Variants in PAOX observed in about 807,000 individuals in gnomAD.
PAOX encodes polyamine oxidase.
A neutral mutation model predicts 39.0 loss-of-function variants in PAOX; 38 were observed. The observed-to-expected ratio is 0.97, with a 90% CI of 0.75 to 1.28. PAOX has a LOEUF of 1.28. PAOX is among the 50% of genes most tolerant of loss of function. PAOX has a pLI of 0.00. For missense variants in PAOX, 667 were observed against 685.7 expected, an observed-to-expected ratio of 0.97 and a Z score of 0.30; for synonymous variants, 311 against 314.4, an observed-to-expected ratio of 0.99 and a Z score of 0.11.
At chr10:133,389,801 C>T (rs972501352) in intron 6 of PAOX, 54 bp downstream of exon 6, 27 of 1,398,802 alleles carry the variant, frequency 1.9e-5, no homozygotes, top group Middle Eastern at 2.6e-4. Context: ...AGGCCCCCGC[C>T]GAGTCTGGGC....
In PAOX at chr10:133,380,096, G is replaced by A. The variant is rs1248862246; in HGVS notation, c.279G>A (p.Lys93=). 1 of 1,554,268 alleles carries A rather than the reference G, an allele frequency of 6.4e-7. No homozygotes were observed. ...LAAEYGLLGE[K]ELSQENQLVE... is the part of the protein sequence containing the mutation. Reference sequence around the variant, plus strand: ...CTGAGTACGGGCTGCTGGGGGAGAAGGAGCTGTCCCAGGAGAACCAGCTGG... The same window carrying A: ...CTGAGTACGGGCTGCTGGGGGAGAAAGAGCTGTCCCAGGAGAACCAGCTGG... Residue 93 remains lysine (K), a synonymous_variant, in exon 2 of 7, where the codon AAG becomes AAA. Coordinates refer to ENST00000278060, the MANE Select transcript of PAOX (RefSeq NM_152911.4).
intron 5 of PAOX, 44 bp downstream of exon 5, chr10:133,389,112 C>A: frequency 1.4e-6 from 2 of 1,438,552 alleles, no homozygotes; most frequent in Non-Finnish European, 2.0e-6. Context: ...CTGCTCGTTA[C>A]TGGTTGATCT....
chr10:133,387,759 C>T (rs907766568), intron 4 of PAOX, among the ~76,000 whole-genome samples: 4 of 152,172 alleles, frequency 2.6e-5, no homozygotes, highest in East Asian at 1.9e-4. Context: ...CTTACTCTGT[C>T]GCCCAGGCTG....
rs1277631418 is a variant in PAOX, at chr10:133,384,751, A to C, written c.1121+539A>C. Among the ~76,000 whole-genome samples, 1 of 152,218 alleles carries C rather than the reference A, an allele frequency of 6.6e-6. No individual in the cohort carries two copies. Among genetic ancestry groups the C allele is most frequent in the Non-Finnish European group, 1.5e-5 (1 of 68,036 alleles). On this transcript the variant is annotated intron_variant, in intron 4 of 6. Coordinates refer to ENST00000278060, the MANE Select transcript of PAOX (RefSeq NM_152911.4). This position sits in a 1 kb window ranked among gnomAD's most constrained non-coding sequence, Gnocchi z 4.3. Reference sequence around the variant, plus strand: ...TGGGGATGGAGGGACTGACTTTTCCAGCAAGATTAAAACACAAAGACAGCC... The same window carrying C: ...TGGGGATGGAGGGACTGACTTTTCCCGCAAGATTAAAACACAAAGACAGCC...
Position 133,380,226 on chromosome 10 carries a change from C to T in PAOX, c.409C>T (p.Leu137=). 6.2e-7 allele frequency: 1 copy of T among 1,612,908 alleles called. No homozygotes were observed. The highest frequency in any genetic ancestry group is 2.2e-5 in the East Asian group (1 of 44,866). The change falls in exon 2 of 7, where the codon CTG becomes TTG. Residue 137 remains leucine, a synonymous_variant. Coordinates refer to ENST00000278060, the MANE Select transcript of PAOX (RefSeq NM_152911.4). ...GGAGATGGCGACTCTGTTCTACGGCCTGATAGACCAGACCCGGGAGTTCCT... is the reference window on the plus strand; with the variant it reads ...GGAGATGGCGACTCTGTTCTACGGCTTGATAGACCAGACCCGGGAGTTCCT... ...VAEMATLFYG[L]IDQTREFLHA...
In PAOX at chr10:133,379,274, C is replaced by T. The variant is rs1348292897; in HGVS notation, c.-43C>T. 2 of 1,204,454 alleles carry T rather than the reference C, an allele frequency of 1.7e-6. No individual in the cohort carries two copies. The highest frequency in any genetic ancestry group is 2.1e-6 in the Non-Finnish European group (2 of 970,674). The allele number at this position is 1,204,454 out of a possible 1,614,324, so 74.6% of individuals were successfully genotyped here. A position where few individuals can be genotyped will look rare whatever the true frequency, so the allele number is the denominator to read the frequency against. ...TCCGGCCTCCTCCGAGAGCTCCAGA[C>T]CTCCCGGCTACTCAGAAGCCCTCGG... On this transcript the variant is annotated 5_prime_UTR_variant, in exon 1 of 7. Coordinates refer to ENST00000278060, the MANE Select transcript of PAOX (RefSeq NM_152911.4).
chr10:133,380,306 T>C lies in PAOX; in HGVS notation c.489T>C (p.Ile163=). The part of the protein sequence containing the change: ...PSVGEYLKKE[I]GQHVAGWTED... ...TCGGGGAGTACCTCAAGAAGGAGAT[T>C]GGCCAGCACGTGGCCGGCTGGACAG... Residue 163 remains isoleucine, a synonymous_variant, in exon 2 of 7, where the codon ATT becomes ATC. Transcript: ENST00000278060. 1 of 1,612,884 alleles carries C rather than the reference T, an allele frequency of 6.2e-7. No individual in the cohort carries two copies. Among genetic ancestry groups the C allele is most frequent in the Admixed American group, 1.7e-5 (1 of 60,020 alleles).
chr10:133,383,080 G>A (rs1210055727), intron 3 of PAOX: 2 of 152,162 alleles, frequency 1.3e-5, no homozygotes, highest in East Asian at 3.9e-4. Context: ...AGCTACTCAG[G>A]AGGCTGAGGC....
chr10:133,389,415 A>C (rs1465222859), intron 5 of PAOX, among the ~76,000 whole-genome samples, 175 bp from the exon 6 acceptor site: 2 of 152,008 alleles, frequency 1.3e-5, no homozygotes, highest in African/African-American at 4.8e-5. Context: ...GTCCCAGCCC[A>C]CTGCTCTCGG....
Position 133,381,645 on chromosome 10 carries a change from T to C in PAOX, c.854T>C (p.Val285Ala). ...GDRFPAHHVI[V>A]TVPLGFLREH... ...CGGTTCCCGGCGCACCATGTCATCG[T>C]CACCGTGCCCTTAGGTAGGTCAGGT... The change falls in exon 3 of 7, where the codon GTC becomes GCC. Residue 285 changes from valine (V) to alanine (A), a missense_variant. Coordinates refer to ENST00000278060, the MANE Select transcript of PAOX (RefSeq NM_152911.4). 1 of 1,613,130 alleles carries C rather than the reference T, an allele frequency of 6.2e-7. No homozygotes were observed. The highest frequency in any genetic ancestry group is 8.5e-7 in the Non-Finnish European group (1 of 1,179,988).
chr10:133,383,826 A>G (rs1849461449), intron 3 of PAOX, 134 bp from the exon 4 acceptor site: 16 of 1,229,778 alleles, frequency 1.3e-5, no homozygotes, highest in East Asian at 2.3e-5. Context: ...AGGACAAAAA[A>G]GTAAAACTGC....
rs765198384 is a variant in PAOX, at chr10:133,389,761, C to G, written c.1392+14C>G. 1.4e-6 allele frequency: 2 copies of G among 1,476,690 alleles called. No homozygotes were observed. The highest frequency in any genetic ancestry group is 2.3e-5 in the Admixed American group (1 of 42,576). The allele number at this position is 1,476,690 out of a possible 1,614,324, so 91.5% of individuals were successfully genotyped here. A position where few individuals can be genotyped will look rare whatever the true frequency, so the allele number is the denominator to read the frequency against. On this transcript the variant is annotated intron_variant, in intron 6 of 6. Transcript: ENST00000278060. ...GCCGGCGCCCAGGTATGTGGCGTGC[C>G]CCAGTCGGGGGGCGTGGGTCCCGCT...
chr10:133,381,698 C>T, intron 3 of PAOX, 39 bp downstream of exon 3: 2 of 1,601,500 alleles, frequency 1.2e-6, no homozygotes, highest in Non-Finnish European at 1.7e-6. Context: ...ATCCCAAGTG[C>T]CCCCGCCTCT....
Position 133,391,538 on chromosome 10 carries a change from A to C in PAOX, c.*83A>C, listed in dbSNP as rs1419650063. 2.0e-6 allele frequency: 3 copies of C among 1,503,560 alleles called. No homozygotes were observed. In the African/African-American group the frequency reaches 4.2e-5, roughly 21 times the overall value. 93.1% of individuals were successfully genotyped at this position (1,503,560 alleles called of 1,614,324 possible). Reference sequence around the variant, plus strand: ...TTCTGACAGATTTCAGTCTGGCTTGAAATTTGGGGATGTTAATGAGGGTCC... The same window carrying C: ...TTCTGACAGATTTCAGTCTGGCTTGCAATTTGGGGATGTTAATGAGGGTCC... On this transcript the variant is annotated 3_prime_UTR_variant, in exon 7 of 7. Coordinates refer to ENST00000278060, the MANE Select transcript of PAOX (RefSeq NM_152911.4).
chr10:133,383,977 T>C lies in PAOX; in HGVS notation c.886T>C (p.Leu296=). 1.2e-6 allele frequency: 2 copies of C among 1,613,948 alleles called. No homozygotes were observed. The highest frequency in any genetic ancestry group is 2.2e-5 in the South Asian group (2 of 91,064). The part of the protein sequence containing the change: ...TVPLGFLREH[L]DTFFDPPLPA... ...AATTCCAGGTTTTCTTAGGGAACAT[T>C]TGGACACCTTCTTTGACCCTCCCCT... The change falls in exon 4 of 7, where the codon TTG becomes CTG. Residue 296 remains leucine (L), a synonymous_variant. Coordinates refer to ENST00000278060, the MANE Select transcript of PAOX (RefSeq NM_152911.4).
chr10:133,389,780 T>A, intron 6 of PAOX, 33 bp downstream of exon 6: 1 of 1,434,088 alleles, frequency 7.0e-7, no homozygotes, highest in African/African-American at 1.5e-5. Context: ...GGGGCGTGGG[T>A]CCCGCTGCAG....
At chr10:133,388,113 AAGC>A (rs1849574635) in intron 4 of PAOX, among the ~76,000 whole-genome samples, 1 of 152,156 alleles carries the variant, frequency 6.6e-6, no homozygotes, top group East Asian at 1.9e-4. Context: ...TCTCAAGTGA[AAGC>A]AGCATTTTTA....
At position 133,384,856 on chromosome 10, in the gene PAOX, A is replaced by G. The variant is rs1476766289; in HGVS notation, c.1121+644A>G. On this transcript the variant is annotated intron_variant, in intron 4 of 6. Transcript: ENST00000278060. This position sits in a 1 kb window ranked among gnomAD's most constrained non-coding sequence, Gnocchi z 4.3. ...GAGGGGGCACCAAGTTCTTGTTCTG[A>G]AAGACCCGGGATGGGGTGGGATGTA... Among the ~76,000 whole-genome samples the G allele has an allele frequency of 6.6e-6, 1 of 152,172 alleles. No individual in the cohort carries two copies. The highest frequency in any genetic ancestry group is 2.4e-5 in the African/African-American group (1 of 41,436).
chr10:133,391,308 G>A lies in PAOX; in HGVS notation c.1393-4G>A. On this transcript the variant is annotated splice_polypyrimidine_tract_variant and splice_region_variant and intron_variant, in intron 6 of 6. Coordinates refer to ENST00000278060, the MANE Select transcript of PAOX (RefSeq NM_152911.4). Reference sequence around the variant, plus strand: ...CCCATTCTAACCCTGGCTCTTCTTTGCAGCTCCAGATCCTGTTTGCGGGGG... The same window carrying A: ...CCCATTCTAACCCTGGCTCTTCTTTACAGCTCCAGATCCTGTTTGCGGGGG... 6 of 1,613,336 alleles carry A rather than the reference G, an allele frequency of 3.7e-6. No individual in the cohort carries two copies. Among genetic ancestry groups the A allele is most frequent in the Non-Finnish European group, 5.1e-6 (6 of 1,179,894 alleles).
Sources: gnomAD v4.1 joint callset for allele counts (sites outside exome capture counted in the v4.1 genomes callset) on GRCh38, gnomAD v4.1.1 for gene constraint, Gnocchi (gnomAD v3.1) non-coding constraint, MANE v1.5 for transcripts, NCBI Gene and HGNC (gene_info 2026-07-23, HGNC 2026-07-21) for gene names.